Variants in ERC2 observed in about 807,000 individuals in gnomAD.
The protein encoded by ERC2 is ELKS/RAB6-interacting/CAST family member 2.
ERC2 carries 42 observed loss-of-function variants against 114.8 expected under a neutral mutation model. The observed-to-expected ratio is 0.37, with a 90% CI of 0.29 to 0.47. The LOEUF (loss-of-function observed/expected upper bound fraction) is 0.47, where lower values mean the gene tolerates loss of function less well. Among genes scored for constraint, ERC2 ranks in the 20% least tolerant of loss-of-function variants. The pLI is 0.99. For synonymous variants in ERC2, 454 were observed against 425.5 expected (o/e 1.07, Z -0.82); for missense variants, 939 against 1,150.7 (o/e 0.82, Z 2.66).
chr3:56,058,853 T>A (rs1284189717), intron 7 of ERC2, among the ~76,000 whole-genome samples: 1 of 152,144 alleles, frequency 6.6e-6, no homozygotes, highest in Non-Finnish European at 1.5e-5. Context: ...AAAACAAATC[T>A]TTTTCTTTCT....
Position 56,001,256 on chromosome 3 carries a change from C to T in ERC2, c.2061+5925G>A, listed in dbSNP as rs148389601. Among the ~76,000 whole-genome samples the T allele has an allele frequency of 4.6e-3, 700 of 151,948 alleles. 4 individuals are homozygous for T. Among genetic ancestry groups the T allele is most frequent in the African/African-American group, 0.016 (657 of 41,472 alleles). On this transcript the variant is annotated intron_variant, in intron 10 of 17. Transcript: ENST00000288221. ...AATGTTCCAGCAATTATTTCTGTGC[C>T]GTGAGATGTCCTGTTATTTTTTAAT...
chr3:55,686,777 C>T (rs1388137367), intron 16 of ERC2, among the ~76,000 whole-genome samples: 1 of 152,186 alleles, frequency 6.6e-6, no homozygotes, highest in Non-Finnish European at 1.5e-5. Flanking sequence ...TTTGCAGTGG[C>T]TGTTCTGAAT....
At position 56,139,563 on chromosome 3, in the gene ERC2, C is replaced by A; in HGVS notation, c.1419G>T (p.Val473=). 6.2e-7 allele frequency: 1 copy of A among 1,613,970 alleles called. No homozygotes were observed. Among genetic ancestry groups the A allele is most frequent in the Admixed American group, 1.7e-5 (1 of 60,020 alleles). The stretch of plus-strand genomic sequence containing the variant: ...CTTTGGCAGTAAGTGACTCTTTGAG[C>A]ACTTCAATGTGTTGCTTGCAATCTG... The part of the protein sequence containing the change: ...QNSDCKQHIE[V]LKESLTAKEQ... Residue 473 remains valine (V), a synonymous_variant, in exon 6 of 18, where the codon GTG becomes GTT. Coordinates refer to ENST00000288221, the MANE Select transcript of ERC2 (RefSeq NM_015576.3).
intron 7 of ERC2, among the ~76,000 whole-genome samples, chr3:56,032,096 T>G (rs950214003): frequency 6.6e-6 from 1 of 152,164 alleles, no homozygotes; most frequent in Non-Finnish European, 1.5e-5. Flanking sequence ...TGCCATGTGA[T>G]CTCTCTACAC....
At chr3:56,325,620 T>C (rs886384386) in intron 2 of ERC2, among the ~76,000 whole-genome samples, 4 of 152,162 alleles carry the variant, frequency 2.6e-5, no homozygotes, top group Non-Finnish European at 5.9e-5. Context: ...AATTATGAAG[T>C]TGTAACCTCT....
chr3:56,419,226 G>A (rs148698756), intron 2 of ERC2, among the ~76,000 whole-genome samples: 6 of 45,766 alleles, frequency 1.3e-4, no homozygotes, highest in Admixed American at 9.3e-4. Flanking sequence ...AAAATCATTC[G>A]TTCCTTGCTC....
intron 17 of ERC2, among the ~76,000 whole-genome samples, chr3:55,558,936 G>T (rs1275387001): frequency 1.3e-5 from 2 of 152,218 alleles, no homozygotes; most frequent in Non-Finnish European, 2.9e-5. Context: ...GGTACAGTTT[G>T]CAGGGAGGCA....
chr3:56,213,729 C>T (rs2049242818), intron 3 of ERC2, among the ~76,000 whole-genome samples: 1 of 152,200 alleles, frequency 6.6e-6, no homozygotes, highest in Admixed American at 6.5e-5. Flanking sequence ...CAAGTGGGTC[C>T]CTGACTCCCG....
chr3:56,305,848 T>TG (rs1384286948), intron 2 of ERC2, among the ~76,000 whole-genome samples: 10 of 152,078 alleles, frequency 6.6e-5, no homozygotes, highest in Non-Finnish European at 1.5e-4. Flanking sequence ...TATTGTCTTT[T>TG]TTTTGTTTGT....
intron 3 of ERC2, among the ~76,000 whole-genome samples, chr3:56,238,709 G>A (rs2051130458): frequency 6.6e-6 from 1 of 152,148 alleles, no homozygotes; most frequent in Non-Finnish European, 1.5e-5. Context: ...CCAGGCCCCA[G>A]CAATGCTAGA....
intron 7 of ERC2, among the ~76,000 whole-genome samples, chr3:56,055,759 C>T (rs2075985731): frequency 6.6e-6 from 1 of 152,168 alleles, no homozygotes; most frequent in Non-Finnish European, 1.5e-5. Context: ...GAATTCATTC[C>T]ATCCCAACTT....
At chr3:56,033,036 G>GAAAGAA (rs2074554687) in intron 7 of ERC2, among the ~76,000 whole-genome samples, 1 of 69,358 alleles carries the variant, frequency 1.4e-5, no homozygotes, top group African/African-American at 4.4e-5. Flanking sequence ...GAAACAGAAA[G>GAAAGAA]AAAGAAAGAA....
At chr3:55,602,797 C>T (rs1359032893) in intron 17 of ERC2, among the ~76,000 whole-genome samples, 2 of 152,100 alleles carry the variant, frequency 1.3e-5, no homozygotes, top group Non-Finnish European at 2.9e-5. Context: ...TGGTCTTAAC[C>T]TCATGTCTCT....
At chr3:56,387,274 T>C (rs2059966769) in intron 2 of ERC2, among the ~76,000 whole-genome samples, 1 of 152,200 alleles carries the variant, frequency 6.6e-6, no homozygotes, top group African/African-American at 2.4e-5. Flanking sequence ...GTTATTATTG[T>C]TATAGAGCCC....
At chr3:56,319,798 C>G (rs1560586541) in intron 2 of ERC2, among the ~76,000 whole-genome samples, 1 of 151,996 alleles carries the variant, frequency 6.6e-6, no homozygotes. Context: ...TAGCGAGACC[C>G]CATCTCTATA....
At chr3:56,330,858 CA>C (rs1434848740) in intron 2 of ERC2, among the ~76,000 whole-genome samples, 1 of 152,182 alleles carries the variant, frequency 6.6e-6, no homozygotes, top group Admixed American at 6.5e-5. Flanking sequence ...GGCACTCTGA[CA>C]AACCCTTCCT....
Position 56,023,936 on chromosome 3 carries a change from A to G in ERC2, c.1642-4905T>C, listed in dbSNP as rs1489319673. Among the ~76,000 whole-genome samples, 3 of 152,210 alleles carry G rather than the reference A, an allele frequency of 2.0e-5. No individual in the cohort carries two copies. In the East Asian group the frequency reaches 5.8e-4, roughly 29 times the overall value. ...AAAAAGTGATGGAGAAAGTCTATAC[A>G]TAGCTTAAAACAGAGGACCTAAAAC... is the stretch of plus-strand genomic sequence containing the variant. On this transcript the variant is annotated intron_variant, in intron 7 of 17. Coordinates refer to ENST00000288221, the MANE Select transcript of ERC2 (RefSeq NM_015576.3).
intron 3 of ERC2, among the ~76,000 whole-genome samples, chr3:56,209,267 C>T (rs761785868): frequency 4.6e-5 from 7 of 152,106 alleles, no homozygotes; most frequent in Non-Finnish European, 8.8e-5. Flanking sequence ...TCTATTTGCT[C>T]CTCCTCCCTC....
intron 12 of ERC2, among the ~76,000 whole-genome samples, chr3:55,955,693 C>G (rs1222931159): frequency 1.3e-5 from 2 of 152,158 alleles, no homozygotes; most frequent in Non-Finnish European, 2.9e-5. Context: ...AATAAAGTTG[C>G]AATGAACATT....
Sources: allele counts gnomAD v4.1 joint callset (sites outside exome capture counted in the v4.1 genomes callset), GRCh38; gene constraint gnomAD v4.1.1; transcripts MANE v1.5; gene names NCBI Gene and HGNC (gene_info 2026-07-23, HGNC 2026-07-21).